Variants in TGFBI observed in about 807,000 individuals in gnomAD.
TGFBI encodes transforming growth factor-beta-induced protein ig-h3.
TGFBI carries 50 observed loss-of-function variants against 73.7 expected under a neutral mutation model. That is an observed-to-expected ratio of 0.68 (90% CI 0.54 to 0.86). The LOEUF is 0.86. Among genes scored for constraint, TGFBI ranks in the 40% least tolerant of loss-of-function variants. The probability of loss-of-function intolerance (pLI) is 0.00; values close to 1 mark genes in which losing one functional copy is unlikely to be tolerated. For synonymous variants in TGFBI, 362 were observed against 360.5 expected, an observed-to-expected ratio of 1.00 and a Z score of -0.05; for missense variants, 839 against 877.0, an observed-to-expected ratio of 0.96 and a Z score of 0.55.
In TGFBI at chr5:136,053,071, A is replaced by G. The variant is rs768431533; in HGVS notation, c.1078A>G (p.Thr360Ala). The G allele has an allele frequency of 6.2e-7, 1 of 1,614,036 alleles. No individual in the cohort carries two copies. The highest frequency in any genetic ancestry group is 1.1e-5 in the South Asian group (1 of 91,080). The change falls in exon 8 of 17, where the codon ACC becomes GCC. Residue 360 changes from threonine to alanine, a missense_variant. Coordinates refer to ENST00000442011, the MANE Select transcript of TGFBI (RefSeq NM_000358.3). ...CATCTCCAATAAAGACATCCTAGCC[A>G]CCAACGGGGTGATCCACTACATTGA... Reference protein sequence around the residue: ...AIISNKDILATNGVIHYIDEL... With the variant: ...AIISNKDILAANGVIHYIDEL...
At position 136,044,676 on chromosome 5, in the gene TGFBI, G is replaced by A. The variant is rs147754719; in HGVS notation, c.298+554G>A. The A allele has an allele frequency of 1.8e-3, 270 of 152,992 alleles. 3 individuals carry two copies. The highest frequency in any genetic ancestry group is 0.014 in the East Asian group (74 of 5,184). 9.5% of individuals were successfully genotyped at this position (152,992 alleles called of 1,614,324 possible). Reference sequence around the variant, plus strand: ...AGAGTCCCACAAATGGTTGCACTGGGCGAAAGACAGCATGGCACCTGTGAA... The same window carrying A: ...AGAGTCCCACAAATGGTTGCACTGGACGAAAGACAGCATGGCACCTGTGAA... On this transcript the variant is annotated intron_variant, in intron 3 of 16. Coordinates refer to ENST00000442011, the MANE Select transcript of TGFBI (RefSeq NM_000358.3).
intron 6 of TGFBI, 143 bp downstream of exon 6, chr5:136,047,563 A>G: frequency 1.1e-6 from 1 of 948,934 alleles, no homozygotes; most frequent in Non-Finnish European, 1.6e-6. Flanking sequence ...GCCCTTGAAC[A>G]TGGAGAATTC....
In TGFBI at chr5:136,032,953, G is replaced by C. The variant is rs577000403; in HGVS notation, c.135-810G>C. Among the ~76,000 whole-genome samples the C allele has an allele frequency of 6.6e-5, 10 of 152,280 alleles. No homozygotes were observed. In the East Asian group the frequency reaches 1.9e-3, roughly 29 times the overall value. On this transcript the variant is annotated intron_variant, in intron 1 of 16. Coordinates refer to ENST00000442011, the MANE Select transcript of TGFBI (RefSeq NM_000358.3). ...CACTCTGCTTTTTCACAGGGTCCCT[G>C]AGGATTCTTTGGATCTGGGTAGTTT...
At position 136,058,997 on chromosome 5, in the gene TGFBI, G is replaced by T. The variant is rs1001702468; in HGVS notation, c.1679-93G>T. 6 of 1,485,756 alleles carry T rather than the reference G, an allele frequency of 4.0e-6. 1 individual carries two copies. The South Asian group carries it at 5.4e-5, about 13-fold the overall frequency. The allele number at this position is 1,485,756 out of a possible 1,614,324, so 92.0% of individuals were successfully genotyped here. ...GGGCAGGGAGTTCTTCATTTCAGGGGTGACCACTTACATCTTCTCCTCTGG... is the reference window on the plus strand; with the variant it reads ...GGGCAGGGAGTTCTTCATTTCAGGGTTGACCACTTACATCTTCTCCTCTGG... On this transcript the variant is annotated intron_variant, in intron 12 of 16. Coordinates refer to ENST00000442011, the MANE Select transcript of TGFBI (RefSeq NM_000358.3).
At chr5:136,061,810 G>A (rs577006938) in intron 15 of TGFBI, among the ~76,000 whole-genome samples, 1 of 152,326 alleles carries the variant, frequency 6.6e-6, no homozygotes, top group South Asian at 2.1e-4. Context: ...TTCACACCGA[G>A]GCCTCTGAGC....
chr5:136,047,985 A>C (rs1216966314), intron 6 of TGFBI: 1 of 152,730 alleles, frequency 6.5e-6, no homozygotes, highest in Admixed American at 6.5e-5. Context: ...CTGGAGGGGA[A>C]GGCATGTTCC....
chr5:136,033,989 C>G, intron 2 of TGFBI, 128 bp downstream of exon 2: 1 of 782,658 alleles, frequency 1.3e-6, no homozygotes, highest in Non-Finnish European at 2.2e-6. Context: ...GCGAACATGT[C>G]TGGGACCTGC....
At chr5:136,054,489 C>G (rs777384491) in intron 9 of TGFBI, among the ~76,000 whole-genome samples, 1 of 152,194 alleles carries the variant, frequency 6.6e-6, no homozygotes, top group Non-Finnish European at 1.5e-5. Context: ...TGCGTGCCTG[C>G]CCTTCCCTCT....
chr5:136,044,049 T>C lies in TGFBI; in HGVS notation c.234-9T>C, dbSNP rs1751383960. 1 of 1,612,652 alleles carries C rather than the reference T, an allele frequency of 6.2e-7. No individual in the cohort carries two copies. Among genetic ancestry groups the C allele is most frequent in the African/African-American group, 1.3e-5 (1 of 74,894 alleles). On this transcript the variant is annotated splice_polypyrimidine_tract_variant and intron_variant, in intron 2 of 16. Transcript: ENST00000442011. ...CTGCCTAACACAATGTATGGTTGTCTTGTTACAGAGTCATCAGCTACGAGT... is the reference window on the plus strand; with the variant it reads ...CTGCCTAACACAATGTATGGTTGTCCTGTTACAGAGTCATCAGCTACGAGT...
rs151015016 is a variant in TGFBI at position 136,035,991 on chromosome 5, C to T, written c.233+2130C>T. ...GCTCGATAACATTCCCTATCAGTGT[C>T]CAGGCTGAGAATACTGTCAGTGATG... On this transcript the variant is annotated intron_variant, in intron 2 of 16. Coordinates refer to ENST00000442011, the MANE Select transcript of TGFBI (RefSeq NM_000358.3). Among the ~76,000 whole-genome samples the T allele has an allele frequency of 3.3e-3, 506 of 152,322 alleles. 3 individuals are homozygous for T. The highest frequency in any genetic ancestry group is 0.012 in the African/African-American group (485 of 41,564).
At position 136,054,055 on chromosome 5, in the gene TGFBI, G is replaced by C. The variant is rs780708123; in HGVS notation, c.1239G>C (p.Leu413=). The C allele has an allele frequency of 3.7e-6, 6 of 1,613,926 alleles. No individual in the cohort carries two copies. Among genetic ancestry groups the C allele is most frequent in the Non-Finnish European group, 5.1e-6 (6 of 1,179,858 alleles). Residue 413 remains leucine, a synonymous_variant, in exon 9 of 17, where the codon CTG becomes CTC. Coordinates refer to ENST00000442011, the MANE Select transcript of TGFBI (RefSeq NM_000358.3). ...HLSGSERLTL[L]APLNSVFKDG... ...CTGGAAGTGAGCGGTTGACCCTCCT[G>C]GCTCCCCTGAATTCTGTATTCAAAG...
At chr5:136,040,504 C>T (rs1004754217) in intron 2 of TGFBI, among the ~76,000 whole-genome samples, 2 of 152,126 alleles carry the variant, frequency 1.3e-5, no homozygotes, top group Non-Finnish European at 2.9e-5. Context: ...ATCTAATGCC[C>T]GATGGTCTGA....
rs1751500703 is a variant in TGFBI, at chr5:136,049,852, T to C, written c.913+272T>C. The C allele has an allele frequency of 1.1e-5, 4 of 374,846 alleles. No homozygotes were observed. The South Asian group carries it at 1.4e-4, about 13-fold the overall frequency. The allele number at this position is 374,846 out of a possible 1,614,324, so 23.2% of individuals were successfully genotyped here. ...ATAGCTGGAGACCCATAGCTGGCCC[T>C]GGCCAGAAACAGGGAGAGTGAAAGG... On this transcript the variant is annotated intron_variant, in intron 7 of 16. Transcript: ENST00000442011.
Position 136,054,976 on chromosome 5 carries a change from C to T in TGFBI, c.1410+115C>T. The stretch of plus-strand genomic sequence containing the variant: ...AGTTTGCATGAGAACTGGTTGCTGA[C>T]AAGGAAGGAAATAATTTCTGGAAAA... On this transcript the variant is annotated intron_variant, in intron 10 of 16. Transcript: ENST00000442011. The T allele has an allele frequency of 5.6e-6, 7 of 1,248,540 alleles. No homozygotes were observed. In the South Asian group the frequency reaches 7.4e-5, roughly 13 times the overall value. The allele number at this position is 1,248,540 out of a possible 1,614,324, so 77.3% of individuals were successfully genotyped here.
At chr5:136,052,489 T>A (rs189196193) in intron 7 of TGFBI, among the ~76,000 whole-genome samples, 4 of 152,384 alleles carry the variant, frequency 2.6e-5, no homozygotes, top group African/African-American at 9.6e-5. Context: ...CTTGAGTTTT[T>A]CTTGTATCCC....
chr5:136,055,737 A>G lies in TGFBI; in HGVS notation c.1468A>G (p.Thr490Ala), dbSNP rs775346438. The change falls in exon 11 of 17, where the codon ACC becomes GCC. Residue 490 changes from threonine (T) to alanine (A), a missense_variant. By Grantham distance (58) the Thr-to-Ala change is moderately conservative. Coordinates refer to ENST00000442011, the MANE Select transcript of TGFBI (RefSeq NM_000358.3). ...AAHDKRGRYG[T>A]LFTMDRVLTP... ...CCACGACAAGAGGGGGAGGTACGGG[A>G]CCCTGTTCACGATGGACCGGGTGCT... The G allele has an allele frequency of 1.9e-6, 3 of 1,612,534 alleles. No homozygotes were observed. The highest frequency in any genetic ancestry group is 2.7e-5 in the African/African-American group (2 of 74,876).
At chr5:136,054,148 C>A in intron 9 of TGFBI, 68 bp downstream of exon 9, 1 of 1,568,364 alleles carries the variant, frequency 6.4e-7, no homozygotes. Flanking sequence ...GTCACCTCCA[C>A]AACACTCTCC....
chr5:136,038,747 G>A (rs1751276044), intron 2 of TGFBI, among the ~76,000 whole-genome samples: 1 of 151,880 alleles, frequency 6.6e-6, no homozygotes, highest in South Asian at 2.1e-4. Flanking sequence ...GGAGGCAGTG[G>A]GATCAGAGTC....
chr5:136,049,487 C>T lies in TGFBI; in HGVS notation c.820C>T (p.Gln274Ter), dbSNP rs1561611210. The T allele has an allele frequency of 3.1e-6, 5 of 1,614,010 alleles. No homozygotes were observed. The change falls in exon 7 of 17, where the codon CAG (glutamine) becomes TAG (stop). Residue 274 changes from glutamine (Q) to a stop codon, truncating the protein, a stop_gained. Coordinates refer to ENST00000442011, the MANE Select transcript of TGFBI (RefSeq NM_000358.3). LOFTEE classifies it high-confidence loss of function. ...CAACACGATGCTTGAAGGTAACGGC[C>T]AGTACACGCTTTTGGCCCCGACCAA... ...GLNTMLEGNGQYTLLAPTNEA... is the reference protein window; with the variant it reads ...GLNTMLEGNG
Sources: gnomAD v4.1 joint callset for allele counts (sites outside exome capture counted in the v4.1 genomes callset) on GRCh38, gnomAD v4.1.1 for gene constraint, MANE v1.5 for transcripts, NCBI Gene and HGNC (gene_info 2026-07-23, HGNC 2026-07-21) for gene names.